Variants in SLC25A53 observed in about 807,000 individuals in gnomAD.
SLC25A53 encodes mitochondrial carrier triple repeat protein 6.
Under a neutral mutation model 15.0 loss-of-function variants are expected in SLC25A53, and 5 were observed. The observed-to-expected ratio is 0.33, with a 90% CI of 0.17 to 0.70. The LOEUF (loss-of-function observed/expected upper bound fraction) is 0.70. Among genes scored for constraint, SLC25A53 ranks in the 30% least tolerant of loss-of-function variants. The pLI, the probability that SLC25A53 is intolerant of heterozygous loss-of-function variation, is 0.67. For synonymous variants in SLC25A53, 95 were observed against 100.0 expected (o/e 0.95, Z 0.30); for missense variants, 216 against 241.6 (o/e 0.89, Z 0.70).
chrX:104,124,839 C>CTTTTTTTTTTTTTT (rs34662574), intron 1 of SLC25A53, among the ~76,000 whole-genome samples: 1 of 62,276 alleles, frequency 1.6e-5, no homozygotes, highest in Non-Finnish European at 3.0e-5. Context: ...AACTTTTTTC[C>CTTTTTTTTTTTTTT]TTTTTTTTTT....
At chrX:104,114,626 A>G in intron 1 of SLC25A53, 1 of 1,212,064 alleles carries the variant, frequency 8.3e-7, no homozygotes, top group South Asian at 1.8e-5. Context: ...GATGCAAACC[A>G]GACTCGCTTG....
intron 1 of SLC25A53, chrX:104,112,704 G>T (rs1240204549): frequency 1.8e-5 from 2 of 113,419 alleles, no homozygotes; most frequent in African/African-American, 6.4e-5. Flanking sequence ...CGGCCGAGGA[G>T]GCGGCAGAGA....
At chrX:104,133,488 C>A (rs1390390806) in intron 1 of SLC25A53, among the ~76,000 whole-genome samples, 2 of 111,077 alleles carry the variant, frequency 1.8e-5, no homozygotes, top group Non-Finnish European at 3.8e-5. Context: ...CTACAGCACC[C>A]ACCGACACTG....
At chrX:104,136,170 T>C (rs2075436111) in intron 1 of SLC25A53, among the ~76,000 whole-genome samples, 1 of 111,570 alleles carries the variant, frequency 9.0e-6, no homozygotes, top group Non-Finnish European at 1.9e-5. Flanking sequence ...GTATACAATA[T>C]GCATACACAT....
At chrX:104,115,785 T>C (rs2075374721) in intron 1 of SLC25A53, 1 of 125,646 alleles carries the variant, frequency 8.0e-6, no homozygotes, top group African/African-American at 3.2e-5. Flanking sequence ...CTGTGTATTT[T>C]TCACCAAATA....
At chrX:104,107,600 C>G (rs1442459224) in intron 1 of SLC25A53, among the ~76,000 whole-genome samples, 1 of 111,058 alleles carries the variant, frequency 9.0e-6, no homozygotes. Context: ...TAAATAAGGA[C>G]AGGTGGTGAA....
intron 1 of SLC25A53, among the ~76,000 whole-genome samples, chrX:104,118,118 A>C (rs1266543358): frequency 8.9e-6 from 1 of 112,736 alleles, no homozygotes; most frequent in East Asian, 2.8e-4. Context: ...TGGAAGACAA[A>C]GAAGACTTGG....
chrX:104,144,543 G>A (rs998996038), intron 1 of SLC25A53, among the ~76,000 whole-genome samples: 2 of 111,657 alleles, frequency 1.8e-5, no homozygotes, highest in African/African-American at 6.5e-5. Flanking sequence ...CTTCTGCATC[G>A]ATCTCGCTGG....
At chrX:104,130,072 C>T (rs2075421830) in intron 1 of SLC25A53, among the ~76,000 whole-genome samples, 1 of 110,903 alleles carries the variant, frequency 9.0e-6, no homozygotes, top group African/African-American at 3.3e-5. Flanking sequence ...CTTATCAGCA[C>T]GCGGAAGTCT....
intron 1 of SLC25A53, among the ~76,000 whole-genome samples, chrX:104,142,666 A>G (rs782136175): frequency 9.1e-6 from 1 of 110,386 alleles, no homozygotes; most frequent in Admixed American, 9.7e-5. Context: ...GCAGCTCCCA[A>G]CAAGACCGAG....
At position 104,105,615 on chromosome X, in the gene SLC25A53, A is replaced by G. The variant is rs576582315; in HGVS notation, c.-31-327T>C. On this transcript the variant is annotated intron_variant, in intron 1 of 1. Transcript: ENST00000594199. ...TCCAAAACTTAATGCATCAACTTTCACGACATGAAACTGTGCATTTTATAA... is the reference window on the plus strand; with the variant it reads ...TCCAAAACTTAATGCATCAACTTTCGCGACATGAAACTGTGCATTTTATAA... 5.2e-4 allele frequency among the ~76,000 whole-genome samples: 59 copies of G among 112,666 alleles called. No individual in the cohort carries two copies. In the South Asian group the frequency reaches 0.021, roughly 40 times the overall value.
intron 1 of SLC25A53, among the ~76,000 whole-genome samples, chrX:104,137,551 G>A (rs918852141): frequency 1.8e-5 from 2 of 111,181 alleles, no homozygotes; most frequent in African/African-American, 3.3e-5. Context: ...TAAAGCCAAC[G>A]AGCCATTTGC....
At chrX:104,105,644 A>G (rs1237816831) in intron 1 of SLC25A53, among the ~76,000 whole-genome samples, 1 of 112,351 alleles carries the variant, frequency 8.9e-6, no homozygotes, top group Non-Finnish European at 1.9e-5. Flanking sequence ...TTTATAAACT[A>G]CTTGAATAAT....
chrX:104,117,278 C>T (rs1270197416), intron 1 of SLC25A53, among the ~76,000 whole-genome samples: 3 of 107,032 alleles, frequency 2.8e-5, no homozygotes, highest in South Asian at 4.4e-4. Flanking sequence ...CCCCCTTGCT[C>T]CATCCATTTT....
intron 1 of SLC25A53, among the ~76,000 whole-genome samples, chrX:104,134,923 G>A (rs1462240339): frequency 9.0e-6 from 1 of 111,045 alleles, no homozygotes; most frequent in Non-Finnish European, 1.9e-5. Flanking sequence ...TGGTGACCAA[G>A]GTTCCTTGCA....
At chrX:104,117,338 C>T (rs782005560) in intron 1 of SLC25A53, among the ~76,000 whole-genome samples, 1 of 110,698 alleles carries the variant, frequency 9.0e-6, no homozygotes, top group African/African-American at 3.3e-5. Context: ...CCACACTCAC[C>T]TCTTGGTGGA....
chrX:104,115,103 A>G, intron 1 of SLC25A53: 1 of 1,202,285 alleles, frequency 8.3e-7, no homozygotes, highest in Non-Finnish European at 1.1e-6. Flanking sequence ...GGGTATAAGA[A>G]TGATGGTCCT....
At chrX:104,150,554 T>C (rs1184043566) in intron 1 of SLC25A53, among the ~76,000 whole-genome samples, 3 of 111,979 alleles carry the variant, frequency 2.7e-5, no homozygotes, top group African/African-American at 9.8e-5. Context: ...CATAACTGTA[T>C]CTGAAGAAAC....
Position 104,101,835 on chromosome X carries a change from G to T in SLC25A53, c.*2499C>A, listed in dbSNP as rs1359037664. ...AATAATAGGGGAATTAGGGTAAAGGGGACATGGGTGTTCTTTAAGCTTTAT... is the reference window on the plus strand; with the variant it reads ...AATAATAGGGGAATTAGGGTAAAGGTGACATGGGTGTTCTTTAAGCTTTAT... On this transcript the variant is annotated 3_prime_UTR_variant, in exon 2 of 2. Transcript: ENST00000594199. 2.7e-5 allele frequency: 3 copies of T among 111,652 alleles called. No homozygotes were observed. Among genetic ancestry groups the T allele is most frequent in the Non-Finnish European group, 5.6e-5 (3 of 53,112 alleles). 9.2% of individuals were successfully genotyped at this position (111,652 alleles called of 1,213,427 possible). A position where few individuals can be genotyped will look rare whatever the true frequency, so the allele number is the denominator to read the frequency against.
Sources: allele counts gnomAD v4.1 joint callset (sites outside exome capture counted in the v4.1 genomes callset), GRCh38; gene constraint gnomAD v4.1.1; transcripts MANE v1.5; gene names NCBI Gene and HGNC (gene_info 2026-07-23, HGNC 2026-07-21).